The following HMCN1 variants were observed in gnomAD, a reference collection of about 807,000 sequenced individuals.
HMCN1 encodes hemicentin 1, also known as hemicentin-1.
In HMCN1, 321 loss-of-function variants were observed where a neutral mutation model predicts 625.9. The observed-to-expected ratio is 0.51, with a 90% CI of 0.47 to 0.56. The LOEUF is 0.56. Among genes scored for constraint, HMCN1 ranks in the 20% least tolerant of loss-of-function variants. The pLI is 0.00. For synonymous variants in HMCN1, 2,425 were observed against 2,417.6 expected (o/e 1.00, Z -0.09); for missense variants, 6,588 against 6,887.3 (o/e 0.96, Z 1.54).
In HMCN1 at chr1:186,019,669, G is replaced by T. The variant is rs1251342011; in HGVS notation, c.5599G>T (p.Val1867Leu). The change falls in exon 35 of 107, where the codon GTG (valine) becomes TTG (leucine). Residue 1867 changes from valine (V) to leucine (L), a missense_variant. Val to Leu is a conservative substitution (Grantham distance 32, BLOSUM62 1). This residue lies in a region of HMCN1 where 4,628 missense variants were observed against 4,853.1 expected (regional missense o/e 0.95). Transcript: ENST00000271588. Reference protein sequence around the residue: ...SITWLKDDQPVNTAQGNLKIQ... With the variant: ...SITWLKDDQPLNTAQGNLKIQ... ...TACATGGTTAAAAGATGACCAGCCTGTGAACACTGCCCAAGGAAACCTTAA... is the reference window on the plus strand; with the variant it reads ...TACATGGTTAAAAGATGACCAGCCTTTGAACACTGCCCAAGGAAACCTTAA... 1 of 1,612,282 alleles carries T rather than the reference G, an allele frequency of 6.2e-7. No homozygotes were observed. Among genetic ancestry groups the T allele is most frequent in the Admixed American group, 1.7e-5 (1 of 59,908 alleles).
At position 185,884,036 on chromosome 1, in the gene HMCN1, G is replaced by T. The variant is rs1378383172; in HGVS notation, c.621+18173G>T. ...AGGGAGTGGGTTACTTGTAGATTTGGTTGATCCTTTGAGGCTTTTTAGAAA... is the reference window on the plus strand; with the variant it reads ...AGGGAGTGGGTTACTTGTAGATTTGTTTGATCCTTTGAGGCTTTTTAGAAA... On this transcript the variant is annotated intron_variant, in intron 4 of 106. Coordinates refer to ENST00000271588, the MANE Select transcript of HMCN1 (RefSeq NM_031935.3). Among the ~76,000 whole-genome samples, 3 of 151,502 alleles carry T rather than the reference G, an allele frequency of 2.0e-5. 1 individual carries two copies. Among genetic ancestry groups the T allele is most frequent in the Non-Finnish European group, 4.4e-5 (3 of 67,672 alleles).
In HMCN1 at chr1:186,125,641, G is replaced by A. The variant is rs766495464; in HGVS notation, c.12537G>A (p.Thr4179=). 1.1e-5 allele frequency: 17 copies of A among 1,613,158 alleles called. No individual in the cohort carries two copies. The South Asian group carries it at 1.1e-4, about 10-fold the overall frequency. Residue 4179 remains threonine, a synonymous_variant, in exon 82 of 107, where the codon ACG becomes ACA. Coordinates refer to ENST00000271588, the MANE Select transcript of HMCN1 (RefSeq NM_031935.3). The stretch of plus-strand genomic sequence containing the variant: ...TCAGAAGTACAGAAGGACACTACAC[G>A]GTCAATGAGAATTCACAAGCCATTC... ...PRIRSTEGHY[T]VNENSQAILP...
intron 86 of HMCN1, among the ~76,000 whole-genome samples, chr1:186,132,887 C>T (rs994643705): frequency 7.9e-5 from 12 of 151,986 alleles, no homozygotes; most frequent in Non-Finnish European, 1.3e-4. Context: ...TGAGAACATG[C>T]GGTGTTTGGG....
intron 1 of HMCN1, among the ~76,000 whole-genome samples, chr1:185,801,721 A>G (rs2102225609): frequency 6.6e-6 from 1 of 152,306 alleles, no homozygotes; most frequent in African/African-American, 2.4e-5. Context: ...CAATCTAGGG[A>G]ACGGACAGAG....
chr1:185,963,996 T>C, intron 13 of HMCN1, 101 bp downstream of exon 13: 1 of 966,110 alleles, frequency 1.0e-6, no homozygotes, highest in Admixed American at 1.7e-5. Context: ...AATGCATACA[T>C]GGTATTATAC....
rs749513779 is a variant in HMCN1 at position 185,989,476 on chromosome 1, C to T, written c.3049-12C>T. ...AAACAAAAAACCCTTTGCTTTTCGC[C>T]GTGTTTTGCAGAAAGGAGAGCTGAT... On this transcript the variant is annotated splice_polypyrimidine_tract_variant and intron_variant, in intron 20 of 106. Coordinates refer to ENST00000271588, the MANE Select transcript of HMCN1 (RefSeq NM_031935.3). 49 of 1,613,422 alleles carry T rather than the reference C, an allele frequency of 3.0e-5. No homozygotes were observed. Among genetic ancestry groups the T allele is most frequent in the South Asian group, 2.2e-4 (20 of 91,064 alleles).
chr1:185,816,905 T>G (rs1316279459), intron 1 of HMCN1, among the ~76,000 whole-genome samples: 2 of 152,194 alleles, frequency 1.3e-5, no homozygotes, highest in African/African-American at 4.8e-5. Context: ...TTCTTTTTGG[T>G]CTATTGCTTA....
chr1:185,851,556 T>C (rs564685181), intron 2 of HMCN1, among the ~76,000 whole-genome samples: 1 of 152,232 alleles, frequency 6.6e-6, no homozygotes, highest in African/African-American at 2.4e-5. Flanking sequence ...AACTGTGCTT[T>C]CTCTCTGGGG....
intron 75 of HMCN1, 71 bp downstream of exon 75, chr1:186,115,485 C>A (rs1265534887): frequency 1.5e-6 from 2 of 1,378,594 alleles, no homozygotes; most frequent in East Asian, 2.4e-5. Context: ...TTAATTCTAT[C>A]AGTGGGGTCA....
chr1:186,189,735 G>A lies in HMCN1; in HGVS notation c.16765G>A (p.Gly5589Arg). 6.2e-7 allele frequency: 1 copy of A among 1,613,648 alleles called. No individual in the cohort carries two copies. The highest frequency in any genetic ancestry group is 1.3e-5 in the African/African-American group (1 of 75,020). ...PFALRDENLK[G>R]VVYTTRPLRE... ...TGCCTTGAGGGATGAAAACCTGAAA[G>A]GAGTGGTGTATACAACACGACCACT... The change falls in exon 107 of 107, where the codon GGA (glycine) becomes AGA (arginine). Residue 5589 changes from glycine (G) to arginine (R), a missense_variant. This residue lies in a region of HMCN1 where 1,954 missense variants were observed against 2,013.1 expected (regional missense o/e 0.97). Transcript: ENST00000271588.
At chr1:185,771,885 A>G (rs1257478368) in intron 1 of HMCN1, among the ~76,000 whole-genome samples, 1 of 152,216 alleles carries the variant, frequency 6.6e-6, no homozygotes, top group Admixed American at 6.5e-5. Context: ...TGCTTCAATT[A>G]GTATTGTAGT....
intron 9 of HMCN1, among the ~76,000 whole-genome samples, chr1:185,927,136 G>A (rs989272281): frequency 6.6e-6 from 1 of 152,148 alleles, no homozygotes; most frequent in African/African-American, 2.4e-5. Flanking sequence ...GTCAGTTTCT[G>A]TTCTAAAATT....
At chr1:186,160,997 A>G (rs974269054) in intron 97 of HMCN1, among the ~76,000 whole-genome samples, 2 of 152,088 alleles carry the variant, frequency 1.3e-5, no homozygotes, top group Non-Finnish European at 2.9e-5. Context: ...TGTCTCGTTG[A>G]TCTGTCTAAT....
chr1:185,904,333 AG>A (rs1323743421), intron 4 of HMCN1, among the ~76,000 whole-genome samples: 1 of 151,814 alleles, frequency 6.6e-6, no homozygotes, highest in Non-Finnish European at 1.5e-5. Context: ...GCTATAACAT[AG>A]GGTTTACTAC....
At chr1:185,821,021 A>AATAT (rs923469686) in intron 1 of HMCN1, among the ~76,000 whole-genome samples, 12 of 151,334 alleles carry the variant, frequency 7.9e-5, no homozygotes, top group Non-Finnish European at 1.6e-4. Context: ...ATGTACCTGT[A>AATAT]ATATATATAT....
At chr1:185,813,070 C>A (rs556307493) in intron 1 of HMCN1, among the ~76,000 whole-genome samples, 2 of 152,138 alleles carry the variant, frequency 1.3e-5, no homozygotes, top group Non-Finnish European at 2.9e-5. Flanking sequence ...TGTTCCTCAG[C>A]TGCACTGTAA....
At chr1:186,157,435 T>C (rs1651096059) in intron 97 of HMCN1, among the ~76,000 whole-genome samples, 2 of 152,256 alleles carry the variant, frequency 1.3e-5, no homozygotes. Context: ...GAAGTAGTTG[T>C]ATACTCAAAC....
intron 52 of HMCN1, among the ~76,000 whole-genome samples, 196 bp from the exon 53 acceptor site, chr1:186,074,545 A>C (rs1658680543): frequency 6.6e-6 from 1 of 152,158 alleles, no homozygotes; most frequent in South Asian, 2.1e-4. Context: ...AATTTCAATA[A>C]ATAAAAATTT....
Position 186,123,074 on chromosome 1 carries a change from C to A in HMCN1, c.12353C>A (p.Ala4118Glu). The A allele has an allele frequency of 6.2e-7, 1 of 1,614,106 alleles. No individual in the cohort carries two copies. Among genetic ancestry groups the A allele is most frequent in the East Asian group, 2.2e-5 (1 of 44,886 alleles). Residue 4118 changes from alanine to glutamate, a missense_variant, in exon 81 of 107, where the codon GCA (alanine) becomes GAA (glutamate). By Grantham distance (107) the Ala-to-Glu change is moderately radical. Around this residue, in one of 3 missense-constraint regions of HMCN1, gnomAD observed 1,954 missense variants for 2,013.1 expected, o/e 0.97. Transcript: ENST00000271588. ...ATTACATGGCATAAAGATGGGCGTGCAATTGTGGAATCTATCCGCCAGCGC... is the reference window on the plus strand; with the variant it reads ...ATTACATGGCATAAAGATGGGCGTGAAATTGTGGAATCTATCCGCCAGCGC... ...PDITWHKDGRAIVESIRQRVL... is the reference protein window; with the variant it reads ...PDITWHKDGREIVESIRQRVL...
Sources: gnomAD v4.1 joint callset for allele counts (sites outside exome capture counted in the v4.1 genomes callset) on GRCh38, gnomAD v4.1.1 for gene constraint, gnomAD v4.1.1 regional missense constraint, MANE v1.5 for transcripts, NCBI Gene and HGNC (gene_info 2026-07-23, HGNC 2026-07-21) for gene names.